NKAIN3: variants seen among roughly 807,000 people sequenced by gnomAD.
NKAIN3 encodes sodium/potassium transporting ATPase interacting 3.
A neutral mutation model predicts 30.2 loss-of-function variants in NKAIN3; 25 were observed. That is an observed-to-expected ratio of 0.83 (90% CI 0.60 to 1.16). NKAIN3 has a LOEUF of 1.16. NKAIN3 is among the 50% of genes most tolerant of loss of function. The pLI, the probability that NKAIN3 is intolerant of heterozygous loss-of-function variation, is 0.00. For missense variants in NKAIN3, 225 were observed against 254.1 expected, an observed-to-expected ratio of 0.89 and a Z score of 0.78; for synonymous variants, 91 against 89.6, an observed-to-expected ratio of 1.02 and a Z score of -0.09.
Position 62,982,425 on chromosome 8 carries a change from G to T in NKAIN3, c.*17018G>T, listed in dbSNP as rs181474515. 1 of 152,094 alleles carries T rather than the reference G, an allele frequency of 6.6e-6. No individual in the cohort carries two copies. The highest frequency in any genetic ancestry group is 2.4e-5 in the African/African-American group (1 of 41,412). The allele number at this position is 152,094 out of a possible 1,614,324, so 9.4% of individuals were successfully genotyped here. A position where few individuals can be genotyped will look rare whatever the true frequency, so the allele number is the denominator to read the frequency against. On this transcript the variant is annotated 3_prime_UTR_variant, in exon 7 of 7. Transcript: ENST00000623646. ...CCTCACAACGATATGTGGTGGCCCC[G>T]CAGTCATTATGGTCTTGTTAAATAA...
intron 4 of NKAIN3, among the ~76,000 whole-genome samples, chr8:62,904,821 C>T (rs576081094): frequency 3.0e-4 from 45 of 152,204 alleles, no homozygotes; most frequent in Non-Finnish European, 6.0e-4. Context: ...CCTGAAAGAG[C>T]TTCATAGTAG....
intron 4 of NKAIN3, among the ~76,000 whole-genome samples, chr8:62,874,036 G>A (rs762280414): frequency 1.3e-5 from 2 of 151,738 alleles, no homozygotes; most frequent in Non-Finnish European, 2.9e-5. Context: ...AAAAATCAAC[G>A]AATTCAGGAG....
intron 1 of NKAIN3, among the ~76,000 whole-genome samples, chr8:62,422,410 C>T (rs1000772487): frequency 6.6e-6 from 1 of 152,012 alleles, no homozygotes; most frequent in Non-Finnish European, 1.5e-5. Context: ...GAATGCTATG[C>T]CATGTAAATA....
intron 1 of NKAIN3, among the ~76,000 whole-genome samples, chr8:62,530,725 G>A (rs937340286): frequency 6.6e-6 from 1 of 151,790 alleles, no homozygotes; most frequent in Admixed American, 6.6e-5. Flanking sequence ...TGCAACCTCC[G>A]CCTCCCAGAT....
chr8:62,683,454 A>G (rs1813707354), intron 3 of NKAIN3, among the ~76,000 whole-genome samples: 1 of 152,220 alleles, frequency 6.6e-6, no homozygotes, highest in African/African-American at 2.4e-5. Flanking sequence ...CTCATGCAGC[A>G]GGAAATGAGA....
At chr8:62,517,977 G>T (rs1563436301) in intron 1 of NKAIN3, among the ~76,000 whole-genome samples, 1 of 151,978 alleles carries the variant, frequency 6.6e-6, no homozygotes, top group Non-Finnish European at 1.5e-5. Flanking sequence ...GAATCATATA[G>T]AATGAGCTGC....
chr8:62,699,893 G>A (rs1336929917), intron 3 of NKAIN3, among the ~76,000 whole-genome samples: 1 of 152,148 alleles, frequency 6.6e-6, no homozygotes, highest in Non-Finnish European at 1.5e-5. Context: ...TAATTGCTTG[G>A]GAGGTCAAGG....
intron 3 of NKAIN3, among the ~76,000 whole-genome samples, chr8:62,694,086 G>A (rs1367514813): frequency 6.6e-6 from 1 of 152,008 alleles, no homozygotes; most frequent in African/African-American, 2.4e-5. Flanking sequence ...TTTGTATTGG[G>A]AACATTCCAA....
At position 62,982,492 on chromosome 8, in the gene NKAIN3, C is replaced by T. The variant is rs1240046112; in HGVS notation, c.*17085C>T. On this transcript the variant is annotated 3_prime_UTR_variant, in exon 7 of 7. Transcript: ENST00000623646. ...TATATTTTAGAGTCTTCCAAAACGC[C>T]TCTCCTTCCAAAATGGCTAAAAGGG... The T allele has an allele frequency of 6.6e-6, 1 of 152,174 alleles. No individual in the cohort carries two copies. The highest frequency in any genetic ancestry group is 6.5e-5 in the Admixed American group (1 of 15,282). 9.4% of individuals were successfully genotyped at this position (152,174 alleles called of 1,614,324 possible). A position where few individuals can be genotyped will look rare whatever the true frequency, so the allele number is the denominator to read the frequency against.
rs950831170 is a variant in NKAIN3 at position 62,404,250 on chromosome 8, G to C, written c.54+155123G>C. Among the ~76,000 whole-genome samples, 4 of 152,150 alleles carry C rather than the reference G, an allele frequency of 2.6e-5. No individual in the cohort carries two copies. The East Asian group carries it at 5.8e-4, about 22-fold the overall frequency. ...TGTCTCCAGTGAGATTTTGGACTTT[G>C]ACTTTTGAGTTAATGCTGGAATAAG... On this transcript the variant is annotated intron_variant, in intron 1 of 6. Coordinates refer to ENST00000623646, the MANE Select transcript of NKAIN3 (RefSeq NM_001304533.3).
At chr8:62,404,130 A>AG (rs1384790661) in intron 1 of NKAIN3, among the ~76,000 whole-genome samples, 4 of 152,222 alleles carry the variant, frequency 2.6e-5, no homozygotes, top group Non-Finnish European at 5.9e-5. Flanking sequence ...CATTTAGAAT[A>AG]GGTGTATTTA....
intron 4 of NKAIN3, among the ~76,000 whole-genome samples, chr8:62,829,396 G>A (rs1321147536): frequency 6.6e-6 from 1 of 152,050 alleles, no homozygotes; most frequent in Non-Finnish European, 1.5e-5. Context: ...GAAAGTAACT[G>A]GACCCCAGGA....
In NKAIN3 at chr8:62,971,449, C is replaced by G; in HGVS notation, c.*6042C>G. On this transcript the variant is annotated 3_prime_UTR_variant, in exon 7 of 7. Transcript: ENST00000623646. ...CTTACGAGTTCGAGACCAGCCTGAG[C>G]AACATGGCAAAACCCCATACCTACA... Among the ~76,000 whole-genome samples the G allele has an allele frequency of 6.6e-6, 1 of 152,052 alleles. No homozygotes were observed. The highest frequency in any genetic ancestry group is 1.9e-4 in the East Asian group (1 of 5,192).
At position 62,617,710 on chromosome 8, in the gene NKAIN3, C is replaced by T. The variant is rs137879905; in HGVS notation, c.273+27916C>T. Among the ~76,000 whole-genome samples, 102 of 152,278 alleles carry T rather than the reference C, an allele frequency of 6.7e-4. 1 individual carries two copies. In the Middle Eastern group the frequency reaches 0.01, roughly 15 times the overall value. On this transcript the variant is annotated intron_variant, in intron 3 of 6. Transcript: ENST00000623646. ...AAATGTTGTGCTTAATCCTGAGCTG[C>T]TCACTCCAAGATTAAGATTATAGTC... is the stretch of plus-strand genomic sequence containing the variant.
At chr8:62,925,907 G>T (rs1822427741) in intron 5 of NKAIN3, among the ~76,000 whole-genome samples, 1 of 152,066 alleles carries the variant, frequency 6.6e-6, no homozygotes, top group Non-Finnish European at 1.5e-5. Flanking sequence ...CTACACGAAT[G>T]CCTGCCCGCT....
At chr8:62,502,424 G>A (rs752634616) in intron 1 of NKAIN3, among the ~76,000 whole-genome samples, 1 of 151,948 alleles carries the variant, frequency 6.6e-6, no homozygotes, top group Non-Finnish European at 1.5e-5. Flanking sequence ...AAATCTAGCG[G>A]CCCCTTTCCC....
At chr8:62,728,304 T>TATA (rs1325040366) in intron 3 of NKAIN3, among the ~76,000 whole-genome samples, 2 of 152,048 alleles carry the variant, frequency 1.3e-5, no homozygotes, top group East Asian at 3.9e-4. Context: ...TTGATTAAAG[T>TATA]ATAATAATAA....
chr8:62,731,418 T>C (rs926182101), intron 3 of NKAIN3, among the ~76,000 whole-genome samples: 9 of 152,200 alleles, frequency 5.9e-5, no homozygotes, highest in Non-Finnish European at 1.2e-4. Flanking sequence ...AAATCATTGA[T>C]GTGATTACTT....
At chr8:62,835,148 T>C (rs890534161) in intron 4 of NKAIN3, among the ~76,000 whole-genome samples, 4 of 151,062 alleles carry the variant, frequency 2.6e-5, no homozygotes, top group Non-Finnish European at 1.5e-5. Context: ...TTTGAATACC[T>C]ACCTTTCACA....
Sources: allele counts gnomAD v4.1 joint callset (sites outside exome capture counted in the v4.1 genomes callset), GRCh38; gene constraint gnomAD v4.1.1; transcripts MANE v1.5; gene names NCBI Gene and HGNC (gene_info 2026-07-23, HGNC 2026-07-21).